Variants in ENTPD1 observed in about 807,000 individuals in gnomAD.
ENTPD1 encodes the protein ectonucleoside triphosphate diphosphohydrolase 1.
A neutral mutation model predicts 57.0 loss-of-function variants in ENTPD1; 33 were observed. The observed-to-expected ratio is 0.58, with a 90% CI of 0.44 to 0.77. The LOEUF (loss-of-function observed/expected upper bound fraction) is 0.77. ENTPD1 is among the 30% of genes least tolerant of loss of function. The pLI is 0.00. For synonymous variants in ENTPD1, 202 were observed against 218.8 expected, an observed-to-expected ratio of 0.92 and a Z score of 0.68; for missense variants, 501 against 603.4, an observed-to-expected ratio of 0.83 and a Z score of 1.78.
chr10:95,806,286 C>T (rs928267714), intron 1 of ENTPD1, among the ~76,000 whole-genome samples: 4 of 152,178 alleles, frequency 2.6e-5, no homozygotes, highest in Non-Finnish European at 5.9e-5. Context: ...ATCGAATCGG[C>T]TAATGAAGGT....
In ENTPD1 at chr10:95,839,951, T is replaced by C. The variant is rs1027699907; in HGVS notation, c.262+143T>C. On this transcript the variant is annotated intron_variant, in intron 3 of 9. Coordinates refer to ENST00000371205, the MANE Select transcript of ENTPD1 (RefSeq NM_001776.6). ...AAACAGTGCAGCTGCTGTTGTTATGTTATCGTTACAGAAAACATATTGAAA... is the reference window on the plus strand; with the variant it reads ...AAACAGTGCAGCTGCTGTTGTTATGCTATCGTTACAGAAAACATATTGAAA... 5 of 774,268 alleles carry C rather than the reference T, an allele frequency of 6.5e-6. No individual in the cohort carries two copies. In the African/African-American group the frequency reaches 8.6e-5, roughly 13 times the overall value. 48.0% of individuals were successfully genotyped at this position (774,268 alleles called of 1,614,324 possible). A position where few individuals can be genotyped will look rare whatever the true frequency, so the allele number is the denominator to read the frequency against.
At chr10:95,768,402 C>G (rs1423743534) in intron 1 of ENTPD1, among the ~76,000 whole-genome samples, 2 of 151,996 alleles carry the variant, frequency 1.3e-5, no homozygotes, top group Non-Finnish European at 1.5e-5. Flanking sequence ...CTATTTGGAT[C>G]TCTTATCTCT....
chr10:95,861,839 A>C (rs1161012720), intron 8 of ENTPD1, among the ~76,000 whole-genome samples: 1 of 149,968 alleles, frequency 6.7e-6, no homozygotes, highest in Non-Finnish European at 1.5e-5. Context: ...CTAAAAATAC[A>C]AAAAAAATTA....
At chr10:95,699,572 C>A in the ENTPD1 span, among the ~76,000 whole-genome samples, 52 of 151,494 alleles carry the variant, frequency 3.4e-4, no homozygotes, top group South Asian at 8.3e-4. Context: ...TGTGCCACTG[C>A]ACTCCAGCCT....
At chr10:95,728,958 A>G (rs2097986507) in intron 1 of ENTPD1, among the ~76,000 whole-genome samples, 1 of 152,184 alleles carries the variant, frequency 6.6e-6, no homozygotes, top group Non-Finnish European at 1.5e-5. Flanking sequence ...TTAGTAAACA[A>G]TAAAATAGAC....
intron 8 of ENTPD1, among the ~76,000 whole-genome samples, chr10:95,864,367 C>G (rs1359840499): frequency 6.6e-6 from 1 of 152,162 alleles, no homozygotes. Context: ...GCCAAAGGCT[C>G]TGGTCAAGAG....
chr10:95,868,008 G>C lies in ENTPD1; in HGVS notation c.*1625G>C. The C allele has an allele frequency of 1.0e-6, 1 of 985,458 alleles. No homozygotes were observed. The highest frequency in any genetic ancestry group is 1.2e-6 in the Non-Finnish European group (1 of 829,944). The allele number at this position is 985,458 out of a possible 1,614,324, so 61.0% of individuals were successfully genotyped here. ...GGACATGTTCAAATTCTTTCTTGTG[G>C]TAGTTGCCTATACTGTCATCGCTGC... On this transcript the variant is annotated 3_prime_UTR_variant, in exon 10 of 10. Transcript: ENST00000371205.
intron 1 of ENTPD1, among the ~76,000 whole-genome samples, chr10:95,770,284 TTG>T (rs2098111498): frequency 6.8e-6 from 1 of 147,440 alleles, no homozygotes. Context: ...TGTGTGTGTG[TTG>T]GAGTGGGGGA....
chr10:95,845,958 A>G (rs1016025489), intron 6 of ENTPD1: 10 of 231,458 alleles, frequency 4.3e-5, no homozygotes, highest in Non-Finnish European at 6.8e-5. Flanking sequence ...TCCCTTTCCT[A>G]CAAACTACAA....
chr10:95,788,546 G>A (rs147763768), intron 1 of ENTPD1, among the ~76,000 whole-genome samples: 5,138 of 152,140 alleles, frequency 0.034, 120 homozygotes, highest in Non-Finnish European at 0.049. Flanking sequence ...GAACATGGGA[G>A]GTGGAGGTTG....
intron 7 of ENTPD1, among the ~76,000 whole-genome samples, chr10:95,848,337 A>T (rs2098439225): frequency 6.6e-6 from 1 of 152,124 alleles, no homozygotes; most frequent in Admixed American, 6.6e-5. Context: ...GTCCACCTTG[A>T]TCTCACTTTT....
chr10:95,761,471 G>A (rs2098062396), intron 1 of ENTPD1, among the ~76,000 whole-genome samples: 1 of 152,104 alleles, frequency 6.6e-6, no homozygotes, highest in Admixed American at 6.5e-5. Flanking sequence ...GCATGCCTTA[G>A]TCTCAGGGCT....
intron 1 of ENTPD1, among the ~76,000 whole-genome samples, chr10:95,815,927 G>A (rs2098328575): frequency 6.6e-6 from 1 of 152,160 alleles, no homozygotes; most frequent in Non-Finnish European, 1.5e-5. Flanking sequence ...GCCATCTTGA[G>A]CCCTTTTCCC....
intron 1 of ENTPD1, among the ~76,000 whole-genome samples, chr10:95,726,327 A>G (rs943064535): frequency 6.6e-6 from 1 of 152,222 alleles, no homozygotes; most frequent in Non-Finnish European, 1.5e-5. Context: ...TTAAAAACTA[A>G]AGAGAAGGAA....
chr10:95,708,909 C>A (rs2097963552), upstream of ENTPD1, among the ~76,000 whole-genome samples: 2 of 152,182 alleles, frequency 1.3e-5, no homozygotes, highest in African/African-American at 4.8e-5. Flanking sequence ...AAATTCTGCT[C>A]TGGTAGCAAA....
chr10:95,804,152 GTTC>G (rs776010140), intron 1 of ENTPD1, among the ~76,000 whole-genome samples: 28 of 152,174 alleles, frequency 1.8e-4, no homozygotes, highest in Non-Finnish European at 3.7e-4. Flanking sequence ...CTCCAGCTTT[GTTC>G]TTCTTGCTTA....
intron 1 of ENTPD1, among the ~76,000 whole-genome samples, chr10:95,769,844 C>G (rs1037169224): frequency 6.6e-6 from 1 of 152,122 alleles, no homozygotes; most frequent in Non-Finnish European, 1.5e-5. Context: ...GAGGAGGAAA[C>G]TTGACTCCAA....
chr10:95,714,266 T>C (rs1324815266), intron 1 of ENTPD1, among the ~76,000 whole-genome samples: 2 of 152,050 alleles, frequency 1.3e-5, no homozygotes, highest in Non-Finnish European at 2.9e-5. Context: ...AACTATATGA[T>C]TGCACCACTA....
At chr10:95,864,940 G>C (rs569274737) in intron 9 of ENTPD1, 79 bp downstream of exon 9, 15 of 1,522,782 alleles carry the variant, frequency 9.9e-6, no homozygotes, top group Admixed American at 3.4e-5. Flanking sequence ...CTTGAAAAAG[G>C]GGGGAGTCAG....
Sources: allele counts gnomAD v4.1 joint callset (sites outside exome capture counted in the v4.1 genomes callset), GRCh38; gene constraint gnomAD v4.1.1; transcripts MANE v1.5; gene names NCBI Gene and HGNC (gene_info 2026-07-23, HGNC 2026-07-21).